The following MYOZ2 variants were observed in gnomAD, a reference collection of about 807,000 sequenced individuals.
MYOZ2 encodes myozenin-2.
Under a neutral mutation model 25.4 loss-of-function variants are expected in MYOZ2, and 19 were observed. That is an observed-to-expected ratio of 0.75 (90% CI 0.52 to 1.10). The LOEUF is 1.10. Ranked by LOEUF, MYOZ2 falls within the 50% of genes least tolerant of loss-of-function variation. The pLI is 0.00. For missense variants in MYOZ2, 270 were observed against 317.9 expected, an observed-to-expected ratio of 0.85 and a Z score of 1.15; for synonymous variants, 92 against 106.9, an observed-to-expected ratio of 0.86 and a Z score of 0.86.
chr4:119,139,822 C>T (rs1426721985), intron 2 of MYOZ2, among the ~76,000 whole-genome samples: 1 of 152,046 alleles, frequency 6.6e-6, no homozygotes, highest in Non-Finnish European at 1.5e-5. Flanking sequence ...CTTCAGTCAC[C>T]CTACAGTCCT....
chr4:119,152,760 CAAT>C (rs1321694843), intron 3 of MYOZ2, among the ~76,000 whole-genome samples: 1 of 151,850 alleles, frequency 6.6e-6, no homozygotes, highest in East Asian at 1.9e-4. Context: ...AAGCAATAAG[CAAT>C]AATAATATAT....
intron 5 of MYOZ2, among the ~76,000 whole-genome samples, chr4:119,177,342 A>G (rs373512342): frequency 6.6e-6 from 1 of 152,226 alleles, no homozygotes; most frequent in African/African-American, 2.4e-5. Flanking sequence ...ATAAAAAGAC[A>G]TAGTTTTGCT....
chr4:119,186,328 C>T lies in MYOZ2; in HGVS notation c.*128C>T. On this transcript the variant is annotated 3_prime_UTR_variant, in exon 6 of 6. Transcript: ENST00000307128. ...ATAGCAATTTAGTGATTTTCCTTTT[C>T]TGACATTCAATTTCAATCTCAGATC... is the stretch of plus-strand genomic sequence containing the variant. 1.4e-6 allele frequency: 1 copy of T among 712,604 alleles called. No homozygotes were observed. Among genetic ancestry groups the T allele is most frequent in the Non-Finnish European group, 2.3e-6 (1 of 426,258 alleles). 44.1% of individuals were successfully genotyped at this position (712,604 alleles called of 1,614,324 possible).
chr4:119,152,670 T>A (rs6814008), intron 3 of MYOZ2, among the ~76,000 whole-genome samples: 146,898 of 152,164 alleles, frequency 0.97, 70,935 homozygotes, highest in East Asian at 0.99. Context: ...CACTATTCCC[T>A]GAAGACTGGG....
At chr4:119,142,142 A>G (rs1456557029) in intron 2 of MYOZ2, among the ~76,000 whole-genome samples, 1 of 152,200 alleles carries the variant, frequency 6.6e-6, no homozygotes, top group East Asian at 1.9e-4. Context: ...TTTGATTTGT[A>G]GAATTTGCAA....
intron 5 of MYOZ2, among the ~76,000 whole-genome samples, chr4:119,172,019 G>A (rs895616914): frequency 2.6e-5 from 4 of 151,906 alleles, no homozygotes; most frequent in Admixed American, 1.3e-4. Flanking sequence ...ATGGCATTCA[G>A]CAATGATAAT....
At position 119,187,724 on chromosome 4, in the gene MYOZ2, C is replaced by G. The variant is rs1742337348; in HGVS notation, c.*1524C>G. ...TCTGTGATAAACTATCAATGAGGCT[C>G]CCATCATGCCATTTTTTGTTCATTT... On this transcript the variant is annotated 3_prime_UTR_variant, in exon 6 of 6. Coordinates refer to ENST00000307128, the MANE Select transcript of MYOZ2 (RefSeq NM_016599.5). 1 of 151,824 alleles carries G rather than the reference C, an allele frequency of 6.6e-6. No individual in the cohort carries two copies. Among genetic ancestry groups the G allele is most frequent in the South Asian group, 2.1e-4 (1 of 4,812 alleles). The allele number at this position is 151,824 out of a possible 1,614,324, so 9.4% of individuals were successfully genotyped here.
At chr4:119,153,262 A>G (rs1211755752) in intron 3 of MYOZ2, among the ~76,000 whole-genome samples, 5 of 152,176 alleles carry the variant, frequency 3.3e-5, no homozygotes, top group Admixed American at 3.3e-4. Context: ...TCAAGACTGT[A>G]GATTGCAACT....
chr4:119,149,044 T>G (rs1020357603), intron 2 of MYOZ2, among the ~76,000 whole-genome samples: 1 of 152,204 alleles, frequency 6.6e-6, no homozygotes, highest in Non-Finnish European at 1.5e-5. Flanking sequence ...ATGCTTGCTC[T>G]TTAAATAAAC....
At chr4:119,171,495 T>A (rs912300470) in intron 5 of MYOZ2, among the ~76,000 whole-genome samples, 1 of 151,934 alleles carries the variant, frequency 6.6e-6, no homozygotes, top group Non-Finnish European at 1.5e-5. Context: ...ACAAAAGCCA[T>A]TCTTTGAATT....
chr4:119,141,529 C>A (rs1217718511), intron 2 of MYOZ2, among the ~76,000 whole-genome samples: 1 of 152,034 alleles, frequency 6.6e-6, no homozygotes, highest in Non-Finnish European at 1.5e-5. Flanking sequence ...ATTACAGGTG[C>A]CTGCCACTAC....
chr4:119,174,553 C>A (rs954500555), intron 5 of MYOZ2, among the ~76,000 whole-genome samples: 8 of 152,098 alleles, frequency 5.3e-5, no homozygotes, highest in African/African-American at 1.9e-4. Context: ...CCTTGGAGAA[C>A]CTTTGTGTCC....
intron 2 of MYOZ2, among the ~76,000 whole-genome samples, chr4:119,145,513 T>G (rs1741269927): frequency 1.6e-5 from 1 of 61,486 alleles, no homozygotes; most frequent in South Asian, 7.7e-4. Flanking sequence ...AAACTGTGTG[T>G]GTGTGTGTGT....
chr4:119,141,054 T>C (rs772287691), intron 2 of MYOZ2, among the ~76,000 whole-genome samples: 25 of 152,216 alleles, frequency 1.6e-4, no homozygotes, highest in Non-Finnish European at 3.5e-4. Flanking sequence ...ATGTAATATG[T>C]ACATACATGT....
chr4:119,138,923 G>C (rs1383857094), intron 2 of MYOZ2, among the ~76,000 whole-genome samples: 3 of 152,044 alleles, frequency 2.0e-5, no homozygotes, highest in Non-Finnish European at 4.4e-5. Flanking sequence ...AAAAATATAA[G>C]AACCAGAAAT....
At chr4:119,174,934 G>T (rs1253422717) in intron 5 of MYOZ2, among the ~76,000 whole-genome samples, 1 of 151,956 alleles carries the variant, frequency 6.6e-6, no homozygotes, top group East Asian at 1.9e-4. Context: ...CAGACGTGCT[G>T]CCTTAAGAGC....
At chr4:119,150,812 T>C in intron 2 of MYOZ2, 60 bp from the exon 3 acceptor site, 5 of 1,508,834 alleles carry the variant, frequency 3.3e-6, no homozygotes, top group Non-Finnish European at 4.6e-6. Flanking sequence ...TTAAGAAATT[T>C]ATAAAAGCAT....
At chr4:119,173,113 G>A (rs577734546) in intron 5 of MYOZ2, among the ~76,000 whole-genome samples, 2 of 152,162 alleles carry the variant, frequency 1.3e-5, no homozygotes, top group East Asian at 3.9e-4. Context: ...AGAATAATTA[G>A]TAATTATTAT....
intron 5 of MYOZ2, among the ~76,000 whole-genome samples, chr4:119,185,391 T>C (rs1010107417): frequency 1.3e-5 from 2 of 152,162 alleles, no homozygotes; most frequent in African/African-American, 4.8e-5. Context: ...CTTGGTTCAC[T>C]GCAACCTCCG....
Sources: gnomAD v4.1 joint callset for allele counts (sites outside exome capture counted in the v4.1 genomes callset) on GRCh38, gnomAD v4.1.1 for gene constraint, MANE v1.5 for transcripts, NCBI Gene and HGNC (gene_info 2026-07-23, HGNC 2026-07-21) for gene names.